Variants in YBX2 observed in about 807,000 individuals in gnomAD.
The protein encoded by YBX2 is Y-box-binding protein 2.
YBX2 carries 5 observed loss-of-function variants against 44.4 expected under a neutral mutation model. The observed-to-expected ratio is 0.11, with a 90% CI of 0.06 to 0.24. The LOEUF is 0.24. Ranked by LOEUF, YBX2 falls within the 10% of genes least tolerant of loss-of-function variation. The pLI, the probability that YBX2 is intolerant of heterozygous loss-of-function variation, is 1.00. For missense variants in YBX2, 417 were observed against 526.9 expected, an observed-to-expected ratio of 0.79 and a Z score of 2.04; for synonymous variants, 188 against 216.1, an observed-to-expected ratio of 0.87 and a Z score of 1.14.
intron 2 of YBX2, 173 bp from the exon 3 acceptor site, chr17:7,292,232 G>T (rs957209838): frequency 4.2e-5 from 31 of 744,080 alleles, no homozygotes; most frequent in Non-Finnish European, 6.6e-5. Flanking sequence ...GCCCCCAGAA[G>T]CTGGTGTAAA....
At chr17:7,288,711 C>A in intron 8 of YBX2, 38 bp downstream of exon 8, 2 of 1,571,524 alleles carry the variant, frequency 1.3e-6, no homozygotes, top group Non-Finnish European at 8.8e-7. Flanking sequence ...CAGTACCTCA[C>A]CTTCCTGGCC....
Position 7,291,910 on chromosome 17 carries a change from A to G in YBX2, c.369+116T>C. On this transcript the variant is annotated intron_variant, in intron 3 of 8. Transcript: ENST00000007699. This position sits in a 1 kb window ranked among gnomAD's most constrained non-coding sequence, Gnocchi z 5.8. ...TGGTTGACACAGGCACCCAAGGCGG[A>G]TGGGCCGTTGTGAAGAAGAGCCAGA... 1.5e-6 allele frequency: 2 copies of G among 1,352,474 alleles called. No homozygotes were observed. The highest frequency in any genetic ancestry group is 2.1e-6 in the Non-Finnish European group (2 of 945,750). 83.8% of individuals were successfully genotyped at this position (1,352,474 alleles called of 1,614,324 possible).
At chr17:7,288,913 A>G in intron 7 of YBX2, 75 bp from the exon 8 acceptor site, 1 of 1,585,328 alleles carries the variant, frequency 6.3e-7, no homozygotes, top group Non-Finnish European at 8.6e-7. Flanking sequence ...GGTTGGATGG[A>G]GTACAGTGGC....
At position 7,291,681 on chromosome 17, in the gene YBX2, C is replaced by T. The variant is rs930587319; in HGVS notation, c.369+345G>A. The T allele has an allele frequency of 1.0e-5, 4 of 399,312 alleles. No homozygotes were observed. The highest frequency in any genetic ancestry group is 2.0e-5 in the African/African-American group (1 of 48,964). 24.7% of individuals were successfully genotyped at this position (399,312 alleles called of 1,614,324 possible). On this transcript the variant is annotated intron_variant, in intron 3 of 8. Transcript: ENST00000007699. The surrounding 1 kb of genome is among the most constrained non-coding windows in gnomAD (Gnocchi z 5.8). ...AGGTCTGGGGTGGGACCTGAGAATT[C>T]GGATGTCAGGTGATGCTGCTGCCGC...
Position 7,291,269 on chromosome 17 carries a change from C to A in YBX2, c.370-87G>T. ...GCTGGGGCCACCACCCAATTTCATT[C>A]TTTCAACATTTGACTTGGGGTCTAG... On this transcript the variant is annotated intron_variant, in intron 3 of 8. Coordinates refer to ENST00000007699, the MANE Select transcript of YBX2 (RefSeq NM_015982.4). This position sits in a 1 kb window ranked among gnomAD's most constrained non-coding sequence, Gnocchi z 5.8. 2 of 1,331,166 alleles carry A rather than the reference C, an allele frequency of 1.5e-6. No individual in the cohort carries two copies. Among genetic ancestry groups the A allele is most frequent in the South Asian group, 2.4e-5 (2 of 83,362 alleles). The allele number at this position is 1,331,166 out of a possible 1,614,324, so 82.5% of individuals were successfully genotyped here.
At chr17:7,289,377 G>C (rs1910323) in intron 7 of YBX2, among the ~76,000 whole-genome samples, 153 bp downstream of exon 7, 5 of 145,098 alleles carry the variant, frequency 3.4e-5, no homozygotes, top group African/African-American at 7.6e-5. Flanking sequence ...CACCTGCCAG[G>C]GGGGGACCCA....
chr17:7,290,084 A>G lies in YBX2; in HGVS notation c.745-13T>C. 3.7e-6 allele frequency: 6 copies of G among 1,613,990 alleles called. No homozygotes were observed. Among genetic ancestry groups the G allele is most frequent in the Non-Finnish European group, 5.1e-6 (6 of 1,179,920 alleles). On this transcript the variant is annotated splice_polypyrimidine_tract_variant and intron_variant, in intron 5 of 8. Coordinates refer to ENST00000007699, the MANE Select transcript of YBX2 (RefSeq NM_015982.4). ...CCCTGTCAGTGCCCTGGGAACATGC[A>G]AAGGCCCCGGTGAGCTGTGGGGACA...
At position 7,290,547 on chromosome 17, in the gene YBX2, G is replaced by A. The variant is rs2072494624; in HGVS notation, c.460-12C>T. ...GTGGCTTCTGCGCCCTGGGAAGGTG[G>A]TAAGGGAATAGTGAGAACCTGCTCC... On this transcript the variant is annotated splice_polypyrimidine_tract_variant and intron_variant, in intron 4 of 8. Transcript: ENST00000007699. 6.2e-7 allele frequency: 1 copy of A among 1,610,618 alleles called. No homozygotes were observed. Among genetic ancestry groups the A allele is most frequent in the Non-Finnish European group, 8.5e-7 (1 of 1,177,974 alleles).
chr17:7,293,690 C>A, intron 1 of YBX2, 152 bp from the exon 2 acceptor site: 2 of 1,459,542 alleles, frequency 1.4e-6, no homozygotes, highest in Non-Finnish European at 1.8e-6. Context: ...TCACTAGTAG[C>A]TTCAAGGTAT....
At position 7,291,908 on chromosome 17, in the gene YBX2, G is replaced by A. The variant is rs907828606; in HGVS notation, c.369+118C>T. On this transcript the variant is annotated intron_variant, in intron 3 of 8. Transcript: ENST00000007699. This position sits in a 1 kb window ranked among gnomAD's most constrained non-coding sequence, Gnocchi z 5.8. ...GGTGGTTGACACAGGCACCCAAGGC[G>A]GATGGGCCGTTGTGAAGAAGAGCCA... 3.4e-5 allele frequency: 45 copies of A among 1,330,596 alleles called. No individual in the cohort carries two copies. Among genetic ancestry groups the A allele is most frequent in the African/African-American group, 1.9e-4 (13 of 69,156 alleles). 82.4% of individuals were successfully genotyped at this position (1,330,596 alleles called of 1,614,324 possible).
At chr17:7,288,872 C>A in intron 7 of YBX2, 34 bp from the exon 8 acceptor site, 5 of 1,612,844 alleles carry the variant, frequency 3.1e-6, no homozygotes, top group Non-Finnish European at 4.2e-6. Context: ...GAGACTTGTT[C>A]TTTTTGTTTT....
rs774860723 is a variant in YBX2 at position 7,290,002 on chromosome 17, C to A, written c.814G>T (p.Val272Phe). 2 of 1,614,122 alleles carry A rather than the reference C, an allele frequency of 1.2e-6. No homozygotes were observed. The highest frequency in any genetic ancestry group is 1.7e-6 in the Non-Finnish European group (2 of 1,180,040). ...EGHQQQGDER[V>F]PPPRFRPRYR... Reference sequence around the variant, plus strand: ...CTGGGCCGGAATCTGGGCGGGGGGACTCGCTCATCTCCCTGCTGTTGGTGC... The same window carrying A: ...CTGGGCCGGAATCTGGGCGGGGGGAATCGCTCATCTCCCTGCTGTTGGTGC... Residue 272 changes from valine (V) to phenylalanine (F), a missense_variant, in exon 6 of 9, where the codon GTC becomes TTC. Val to Phe is a conservative substitution (Grantham distance 50, BLOSUM62 -1). This residue lies in a region of YBX2 where 257 missense variants were observed against 261.7 expected (regional missense o/e 0.98). Transcript: ENST00000007699.
At position 7,289,977 on chromosome 17, in the gene YBX2, C is replaced by A; in HGVS notation, c.839G>T (p.Arg280Met). 6.2e-7 allele frequency: 1 copy of A among 1,614,244 alleles called. No homozygotes were observed. The highest frequency in any genetic ancestry group is 8.5e-7 in the Non-Finnish European group (1 of 1,180,034). The change falls in exon 6 of 9, where the codon AGG (arginine) becomes ATG (methionine). Residue 280 changes from arginine to methionine, a missense_variant. By Grantham distance (91) the Arg-to-Met change is moderately conservative. Around this residue, in one of 3 missense-constraint regions of YBX2, gnomAD observed 257 missense variants for 261.7 expected, o/e 0.98. Coordinates refer to ENST00000007699, the MANE Select transcript of YBX2 (RefSeq NM_015982.4). ...ERVPPPRFRP[R>M]YRRPFRPRPR... ...AGCAGGGGGGTCTTACCTTCGGTAC[C>A]TGGGCCGGAATCTGGGCGGGGGGAC...
intron 2 of YBX2, chr17:7,292,341 C>T: frequency 2.2e-6 from 1 of 457,000 alleles, no homozygotes; most frequent in Non-Finnish European, 4.1e-6. Flanking sequence ...GACAGCTCTG[C>T]CCCTGCCGGG....
In YBX2 at chr17:7,289,480, G is replaced by T; in HGVS notation, c.1044+50C>A. Reference sequence around the variant, plus strand: ...AGGAAAGAAAAAGGAGCAGGTGGGGGAGGGAGCTGGTCTCAGCCTTTTCTT... The same window carrying T: ...AGGAAAGAAAAAGGAGCAGGTGGGGTAGGGAGCTGGTCTCAGCCTTTTCTT... On this transcript the variant is annotated intron_variant, in intron 7 of 8. Transcript: ENST00000007699. The T allele has an allele frequency of 4.5e-6, 7 of 1,555,128 alleles. No homozygotes were observed. In the South Asian group the frequency reaches 4.7e-5, roughly 10 times the overall value.
At chr17:7,290,159 C>T in intron 5 of YBX2, 88 bp from the exon 6 acceptor site, 9 of 1,611,288 alleles carry the variant, frequency 5.6e-6, no homozygotes, top group Non-Finnish European at 7.6e-6. Flanking sequence ...ACCCTCAGTT[C>T]CTCCTTCTTT....
chr17:7,289,827 T>A (rs755494616), intron 6 of YBX2, 102 bp from the exon 7 acceptor site: 333 of 1,592,446 alleles, frequency 2.1e-4, no homozygotes, highest in Non-Finnish European at 3.4e-5. Context: ...TTCCAGCCCA[T>A]GAGCACTGCC....
intron 1 of YBX2, chr17:7,293,743 C>T: frequency 1.9e-6 from 2 of 1,027,938 alleles, no homozygotes; most frequent in Non-Finnish European, 2.8e-6. Context: ...CACAGGGACT[C>T]AGGCTTTCAA....
At position 7,290,063 on chromosome 17, in the gene YBX2, G is replaced by C; in HGVS notation, c.753C>G (p.Asp251Glu). 3.1e-6 allele frequency: 5 copies of C among 1,614,248 alleles called. No individual in the cohort carries two copies. The Middle Eastern group carries it at 5.0e-4, about 160-fold the overall frequency. Reference sequence around the variant, plus strand: ...GGGCTGTCTCTTTGGGTTCTACCCTGTCAGTGCCCTGGGAACATGCAAAGG... The same window carrying C: ...GGGCTGTCTCTTTGGGTTCTACCCTCTCAGTGCCCTGGGAACATGCAAAGG... ...PNQQQPIEGT[D>E]RVEPKETAPL... The change falls in exon 6 of 9, where the codon GAC (aspartate) becomes GAG (glutamate). Residue 251 changes from aspartate (D) to glutamate (E), a missense_variant. Asp to Glu is a conservative substitution (Grantham distance 45). Around this residue, in one of 3 missense-constraint regions of YBX2, gnomAD observed 257 missense variants for 261.7 expected, o/e 0.98. Transcript: ENST00000007699.
Sources: allele counts gnomAD v4.1 joint callset (sites outside exome capture counted in the v4.1 genomes callset), GRCh38; gene constraint gnomAD v4.1.1; regional missense constraint gnomAD v4.1.1; non-coding constraint Gnocchi (gnomAD v3.1); transcripts MANE v1.5; gene names NCBI Gene and HGNC (gene_info 2026-07-23, HGNC 2026-07-21).